The following MUC7 variants were observed in gnomAD, a reference collection of about 807,000 sequenced individuals.
MUC7 encodes mucin 7, secreted.
Under a neutral mutation model 2.5 loss-of-function variants are expected in MUC7, and 2 were observed. The ratio of observed to expected loss-of-function variants is 0.81; its 90% CI spans 0.33 to 2.55. The LOEUF (loss-of-function observed/expected upper bound fraction) is 2.55, where lower values mean the gene tolerates loss of function less well. Among genes scored for constraint, MUC7 ranks in the 30% most tolerant of loss-of-function variants. MUC7 has a pLI of 0.11. For synonymous variants in MUC7, 133 were observed against 173.4 expected, an observed-to-expected ratio of 0.77 and a Z score of 1.83; for missense variants, 408 against 455.6, an observed-to-expected ratio of 0.90 and a Z score of 0.95.
chr4:70,440,540 A>T (rs1219247966), intron 1 of MUC7, among the ~76,000 whole-genome samples: 1 of 152,218 alleles, frequency 6.6e-6, no homozygotes, highest in Non-Finnish European at 1.5e-5. Flanking sequence ...TTGATAGATC[A>T]GTAAGGTGAC....
In MUC7 at chr4:70,462,846, C is replaced by T. The variant is rs185435511; in HGVS notation, c.-92-9369C>T. ...AATTAGCTTGGCATGGTGATACATGCCTGTAGTCCCAGCAGGAACTGCAGC... is the reference window on the plus strand; with the variant it reads ...AATTAGCTTGGCATGGTGATACATGTCTGTAGTCCCAGCAGGAACTGCAGC... On this transcript the variant is annotated intron_variant, in intron 1 of 3. Coordinates refer to the MUC7 transcript ENST00000413702. Among the ~76,000 whole-genome samples, 6 of 152,184 alleles carry T rather than the reference C, an allele frequency of 3.9e-5. 1 individual carries two copies. Among genetic ancestry groups the T allele is most frequent in the Admixed American group, 3.9e-4 (6 of 15,276 alleles).
intron 2 of MUC7, among the ~76,000 whole-genome samples, chr4:70,479,385 T>A (rs1204264391): frequency 6.6e-6 from 1 of 152,206 alleles, no homozygotes; most frequent in Non-Finnish European, 1.5e-5. Context: ...TTATCTTAGT[T>A]AAACAACTCA....
At chr4:70,439,294 G>A (rs1335142071) in intron 1 of MUC7, among the ~76,000 whole-genome samples, 2 of 152,198 alleles carry the variant, frequency 1.3e-5, no homozygotes, top group African/African-American at 4.8e-5. Flanking sequence ...GTGAGTGATT[G>A]TGAGGGAGAA....
chr4:70,443,462 A>G (rs2109707544), intron 1 of MUC7, among the ~76,000 whole-genome samples: 1 of 152,336 alleles, frequency 6.6e-6, no homozygotes, highest in South Asian at 2.1e-4. Context: ...AGCTGTTAGA[A>G]TACTACCAAG....
At chr4:70,473,895 C>G in intron 1 of MUC7, 112 bp from the exon 2 acceptor site, 1 of 723,094 alleles carries the variant, frequency 1.4e-6, no homozygotes, top group Non-Finnish European at 2.3e-6. Flanking sequence ...TTTTCAGAAA[C>G]CATTGGTCTC....
In MUC7 at chr4:70,480,976, C is replaced by T. The variant is rs1174118743; in HGVS notation, c.232C>T (p.Pro78Ser). The T allele has an allele frequency of 7.4e-6, 12 of 1,614,078 alleles. No individual in the cohort carries two copies. The highest frequency in any genetic ancestry group is 1.0e-5 in the Non-Finnish European group (12 of 1,179,998). ...CTGTAGGCCTAAGCTTCCACCTTCA[C>T]CTAATAACCCCCCCAAATTCCCAAA... ...KRCRPKLPPS[P>S]NNPPKFPNPH... Residue 78 changes from proline (P) to serine (S), a missense_variant, in exon 3 of 3, where the codon CCT becomes TCT. This residue lies in a region of MUC7 where 225 missense variants were observed against 240.5 expected (regional missense o/e 0.94). Transcript: ENST00000304887.
chr4:70,441,318 G>A (rs2109705581), intron 1 of MUC7, among the ~76,000 whole-genome samples: 1 of 152,242 alleles, frequency 6.6e-6, no homozygotes, highest in South Asian at 2.1e-4. Flanking sequence ...CCTATAATAT[G>A]CACATGAGTA....
chr4:70,432,480 C>T (rs1194848184), intron 1 of MUC7, among the ~76,000 whole-genome samples: 1 of 152,192 alleles, frequency 6.6e-6, no homozygotes, highest in African/African-American at 2.4e-5. Flanking sequence ...TTTTGATTTG[C>T]ATTTCTCTGA....
chr4:70,457,411 T>C (rs557518114), intron 1 of MUC7, among the ~76,000 whole-genome samples: 3 of 152,234 alleles, frequency 2.0e-5, no homozygotes, highest in African/African-American at 7.2e-5. Context: ...CACAGCACTC[T>C]AGCCTGGGTG....
intron 1 of MUC7, among the ~76,000 whole-genome samples, chr4:70,452,651 A>T (rs1409484385): frequency 6.6e-6 from 1 of 152,110 alleles, no homozygotes; most frequent in East Asian, 1.9e-4. Context: ...CTGTGTCTTA[A>T]AAAGTTGTTG....
chr4:70,475,415 T>C (rs1734969047), intron 2 of MUC7, among the ~76,000 whole-genome samples: 1 of 152,136 alleles, frequency 6.6e-6, no homozygotes, highest in Non-Finnish European at 1.5e-5. Context: ...GAAAGAAATC[T>C]AGGGGTAAAG....
At position 70,482,008 on chromosome 4, in the gene MUC7, C is replaced by A; in HGVS notation, c.*130C>A. ...TCAGATTTAAAGCACTATCATTAATCTTTCAATCTAATTATTCACCACCAC... is the reference window on the plus strand; with the variant it reads ...TCAGATTTAAAGCACTATCATTAATATTTCAATCTAATTATTCACCACCAC... On this transcript the variant is annotated 3_prime_UTR_variant, in exon 3 of 3. Coordinates refer to ENST00000304887, the MANE Select transcript of MUC7 (RefSeq NM_152291.3). 1 of 1,138,182 alleles carries A rather than the reference C, an allele frequency of 8.8e-7. No individual in the cohort carries two copies. Among genetic ancestry groups the A allele is most frequent in the Non-Finnish European group, 1.2e-6 (1 of 820,906 alleles). 70.5% of individuals were successfully genotyped at this position (1,138,182 alleles called of 1,614,324 possible).
At chr4:70,454,826 T>TAG (rs1475393269) in intron 1 of MUC7, among the ~76,000 whole-genome samples, 1 of 152,172 alleles carries the variant, frequency 6.6e-6, no homozygotes, top group African/African-American at 2.4e-5. Flanking sequence ...GGCATTTCAT[T>TAG]AGAGACTCTA....
Position 70,464,890 on chromosome 4 carries a change from G to A in MUC7, c.-92-7325G>A, listed in dbSNP as rs190979419. ...CAATGAATCTCCCAGCACAGTGCTC[G>A]AGCTCTGCTAAGGGACAGACTGCCT... On this transcript the variant is annotated intron_variant, in intron 1 of 3. Coordinates refer to the MUC7 transcript ENST00000413702. 3.5e-3 allele frequency among the ~76,000 whole-genome samples: 534 copies of A among 152,312 alleles called. 1 individual carries two copies. The highest frequency in any genetic ancestry group is 0.012 in the African/African-American group (514 of 41,576).
intron 1 of MUC7, among the ~76,000 whole-genome samples, chr4:70,460,927 A>T (rs1278860767): frequency 6.6e-6 from 1 of 152,164 alleles, no homozygotes; most frequent in East Asian, 1.9e-4. Context: ...ATCTGGTGCA[A>T]TGCCCTCATG....
At position 70,438,456 on chromosome 4, in the gene MUC7, TTTTGG is replaced by T. The variant is rs757547379; in HGVS notation, c.-93+7783_-93+7787del. Among the ~76,000 whole-genome samples the T allele has an allele frequency of 5.3e-4, 81 of 151,466 alleles. 1 individual carries two copies. The East Asian group carries it at 9.0e-3, about 17-fold the overall frequency. On this transcript the variant is annotated intron_variant, in intron 1 of 3. Coordinates refer to the MUC7 transcript ENST00000413702. ...TTTTGTTTTGTTTTGTTTTGTTTTG[TTTTGG>T]TTTGGTTTGGTTTTGAGACAGAGTC...
chr4:70,448,190 G>T (rs1734191388), intron 1 of MUC7, among the ~76,000 whole-genome samples: 1 of 152,088 alleles, frequency 6.6e-6, no homozygotes, highest in Non-Finnish European at 1.5e-5. Context: ...TCATCTGTTG[G>T]TAGACATTTA....
chr4:70,439,876 A>G (rs1733958549), intron 1 of MUC7, among the ~76,000 whole-genome samples: 4 of 152,094 alleles, frequency 2.6e-5, no homozygotes, highest in Admixed American at 2.6e-4. Context: ...CACTTATTTT[A>G]GAAATTTTTG....
chr4:70,453,097 C>A (rs1274591654), intron 1 of MUC7, among the ~76,000 whole-genome samples: 1 of 152,188 alleles, frequency 6.6e-6, no homozygotes, highest in South Asian at 2.1e-4. Flanking sequence ...CACTGGATCT[C>A]ATGCCAGGCC....
Sources: allele counts gnomAD v4.1 joint callset (sites outside exome capture counted in the v4.1 genomes callset), GRCh38; gene constraint gnomAD v4.1.1; regional missense constraint gnomAD v4.1.1; transcripts MANE v1.5; gene names NCBI Gene and HGNC (gene_info 2026-07-23, HGNC 2026-07-21).